PARP10: variants seen among roughly 807,000 people sequenced by gnomAD.
The protein encoded by PARP10 is protein mono-ADP-ribosyltransferase PARP10.
In PARP10, 56 loss-of-function variants were observed where a neutral mutation model predicts 82.4. That is an observed-to-expected ratio of 0.68 (90% CI 0.55 to 0.85). The LOEUF (loss-of-function observed/expected upper bound fraction) is 0.85. PARP10 is among the 40% of genes least tolerant of loss of function. The probability of loss-of-function intolerance (pLI) is 0.00; values close to 1 mark genes in which losing one functional copy is unlikely to be tolerated. For missense variants in PARP10, 1,227 were observed against 1,379.4 expected, an observed-to-expected ratio of 0.89 and a Z score of 1.75; for synonymous variants, 576 against 601.1, an observed-to-expected ratio of 0.96 and a Z score of 0.61.
intron 9 of PARP10, among the ~76,000 whole-genome samples, chr8:143,979,641 T>G (rs2133034548): frequency 6.6e-6 from 1 of 152,314 alleles, no homozygotes; most frequent in South Asian, 2.1e-4. Context: ...CCGGGTGCAG[T>G]GGCTCACGCC....
upstream of PARP10, among the ~76,000 whole-genome samples, chr8:143,995,354 C>T (rs1554751205): frequency 6.6e-6 from 1 of 152,222 alleles, no homozygotes; most frequent in African/African-American, 2.4e-5. Flanking sequence ...GCACAGACGC[C>T]TCCAGAAGCA....
At chr8:143,980,429 G>A (rs1415247925) in intron 9 of PARP10, among the ~76,000 whole-genome samples, 1 of 150,312 alleles carries the variant, frequency 6.7e-6, no homozygotes, top group Admixed American at 6.6e-5. Flanking sequence ...GGAGGCTGAG[G>A]CAGAATCACT....
chr8:143,997,742 C>A (rs1347354771), intron 1 of PARP10, among the ~76,000 whole-genome samples: 1 of 151,878 alleles, frequency 6.6e-6, no homozygotes, highest in Non-Finnish European at 1.5e-5. Flanking sequence ...GTAACTGAAG[C>A]AACCAACTCC....
At chr8:144,005,123 G>A (rs1834225977) in intron 1 of PARP10, among the ~76,000 whole-genome samples, 1 of 151,108 alleles carries the variant, frequency 6.6e-6, no homozygotes, top group Non-Finnish European at 1.5e-5. Flanking sequence ...AGGTTGCAGC[G>A]AGCTGAGATT....
chr8:143,995,306 C>T (rs1375928396), upstream of PARP10, among the ~76,000 whole-genome samples: 3 of 152,148 alleles, frequency 2.0e-5, no homozygotes, highest in African/African-American at 7.2e-5. Flanking sequence ...AAGTGGGCCA[C>T]AAGGAAGCCA....
upstream of PARP10, chr8:143,989,992 G>A (rs1438250351): frequency 4.0e-5 from 6 of 151,798 alleles, no homozygotes; most frequent in African/African-American, 1.4e-4. The surrounding 1 kb of genome is among the most constrained non-coding windows in gnomAD (Gnocchi z 4.3). Flanking sequence ...GTCCGCGGAA[G>A]CCCCGCCCAC....
rs1428151922 is a variant in PARP10 at position 143,985,568 on chromosome 8, G to A, written c.517C>T (p.Arg173Ter). 4 of 1,613,976 alleles carry A rather than the reference G, an allele frequency of 2.5e-6. No homozygotes were observed. Among genetic ancestry groups the A allele is most frequent in the Non-Finnish European group, 3.4e-6 (4 of 1,179,976 alleles). ...LVSLARVPQA[R>*]AVRVVGDGAS... ...CCATCCCCCACCACACGCACCGCTC[G>A]GGCCTGGGGAACCCGGGCCAGGGAC... Residue 173 changes from arginine to a stop codon, truncating the protein, a stop_gained, in exon 4 of 11, where the codon CGA (arginine) becomes TGA (stop). Coordinates refer to ENST00000313028, the MANE Select transcript of PARP10 (RefSeq NM_032789.5). LOFTEE classifies it high-confidence loss of function.
At chr8:143,994,495 C>T (rs1834147628), upstream of PARP10, among the ~76,000 whole-genome samples, 1 of 152,246 alleles carries the variant, frequency 6.6e-6, no homozygotes, top group Non-Finnish European at 1.5e-5. Context: ...AGTCCACGCT[C>T]CTTAGCCTGG....
chr8:144,002,583 G>GA (rs1195916094), intron 1 of PARP10, among the ~76,000 whole-genome samples: 7 of 148,970 alleles, frequency 4.7e-5, no homozygotes, highest in Middle Eastern at 3.4e-3. Flanking sequence ...TAGACCAAAA[G>GA]AAAAAAAAAG....
rs782649313 is a variant in PARP10 at position 143,982,943 on chromosome 8, G to A, written c.2545C>T (p.Arg849Cys). ...GGGCATGGACTCACACGAACGACGC[G>A]GATGCTGCTGCGGGCAGCGTCCAGG... ...DTLDAARSSI[R>C]VVRVERVSHP... Residue 849 changes from arginine to cysteine, a missense_variant, in exon 9 of 11, where the codon CGC becomes TGC. Physicochemically the swap from Arg to Cys is radical, Grantham distance 180 (BLOSUM62 -3). Coordinates refer to ENST00000313028, the MANE Select transcript of PARP10 (RefSeq NM_032789.5). 4.3e-5 allele frequency: 69 copies of A among 1,613,622 alleles called. No individual in the cohort carries two copies. Among genetic ancestry groups the A allele is most frequent in the Non-Finnish European group, 5.3e-5 (62 of 1,180,008 alleles).
Position 143,985,494 on chromosome 8 carries a change from G to T in PARP10, c.591C>A (p.Arg197=). The part of the protein sequence containing the change: ...LLLELYLENE[R]RSGGGPLEDL... ...CCTCCAGGGGCCCCCCACCACTGCG[G>T]CGCTCATTCTCCAGGTACAACTCCA... Residue 197 remains arginine (R), a synonymous_variant, in exon 4 of 11, where the codon CGC becomes CGA. Coordinates refer to ENST00000313028, the MANE Select transcript of PARP10 (RefSeq NM_032789.5). 1 of 1,613,898 alleles carries T rather than the reference G, an allele frequency of 6.2e-7. No homozygotes were observed. The highest frequency in any genetic ancestry group is 8.5e-7 in the Non-Finnish European group (1 of 1,179,916).
At chr8:143,991,632 G>C, upstream of PARP10, 2 of 1,596,182 alleles carry the variant, frequency 1.3e-6, no homozygotes, top group Non-Finnish European at 1.7e-6. Context: ...GGGTGGGGTG[G>C]CCGGGAGGGC....
upstream of PARP10, chr8:143,991,408 G>A (rs781805136): frequency 3.2e-6 from 4 of 1,240,550 alleles, no homozygotes; most frequent in East Asian, 5.1e-5. Flanking sequence ...CATGGCCCCA[G>A]CCCCTACCCC....
At chr8:143,993,944 C>A (rs1342035571), upstream of PARP10, among the ~76,000 whole-genome samples, 2 of 152,226 alleles carry the variant, frequency 1.3e-5, no homozygotes, top group African/African-American at 4.8e-5. Flanking sequence ...CTTGGCCTGC[C>A]CAGGCCCGGT....
At chr8:143,996,727 G>T (rs1834167292) in intron 1 of PARP10, among the ~76,000 whole-genome samples, 1 of 152,218 alleles carries the variant, frequency 6.6e-6, no homozygotes, top group South Asian at 2.1e-4. Context: ...GTCAGCATCT[G>T]AGGAGTGCAG....
chr8:143,980,302 T>C (rs1158715136), intron 9 of PARP10, among the ~76,000 whole-genome samples: 1 of 115,132 alleles, frequency 8.7e-6, no homozygotes, highest in African/African-American at 3.5e-5. Flanking sequence ...CCTGGGCTAC[T>C]GAGTGAGATT....
At chr8:143,996,133 C>A (rs1358450404), upstream of PARP10, among the ~76,000 whole-genome samples, 4 of 152,234 alleles carry the variant, frequency 2.6e-5, no homozygotes, top group Admixed American at 6.5e-5. Context: ...GACGCTCCCC[C>A]ACGATGAGCA....
In PARP10 at chr8:143,984,283, A is replaced by G. The variant is rs1833933156; in HGVS notation, c.1607T>C (p.Leu536Pro). The G allele has an allele frequency of 1.2e-6, 2 of 1,614,082 alleles. No homozygotes were observed. The highest frequency in any genetic ancestry group is 1.7e-6 in the Non-Finnish European group (2 of 1,179,982). ...AAAGACACACTGGAACTGAGCCTCC[A>G]GCCCCTGGAGAAGGTGCTGCCCTTC... is the stretch of plus-strand genomic sequence containing the variant. ...GPEGQHLLQGLEAQFQCVFGT... is the reference protein window; with the variant it reads ...GPEGQHLLQGPEAQFQCVFGT... Residue 536 changes from leucine (L) to proline (P), a missense_variant, in exon 6 of 11, where the codon CTG (leucine) becomes CCG (proline). Leu to Pro is a moderately conservative substitution (Grantham distance 98). Coordinates refer to ENST00000313028, the MANE Select transcript of PARP10 (RefSeq NM_032789.5).
At chr8:143,979,059 G>A (rs1354061307) in intron 9 of PARP10, among the ~76,000 whole-genome samples, 3 of 150,258 alleles carry the variant, frequency 2.0e-5, no homozygotes, top group Non-Finnish European at 2.9e-5. Flanking sequence ...TGCAAGCTCC[G>A]CCTCCCGGGT....
Sources: allele counts gnomAD v4.1 joint callset (sites outside exome capture counted in the v4.1 genomes callset), GRCh38; gene constraint gnomAD v4.1.1; non-coding constraint Gnocchi (gnomAD v3.1); transcripts MANE v1.5; gene names NCBI Gene and HGNC (gene_info 2026-07-23, HGNC 2026-07-21).